The following RALY variants were observed in gnomAD, a reference collection of about 807,000 sequenced individuals.
The protein encoded by RALY is RALY heterogeneous nuclear ribonucleoprotein.
RALY carries 15 observed loss-of-function variants against 30.7 expected under a neutral mutation model. That is an observed-to-expected ratio of 0.49 (90% CI 0.33 to 0.75). The LOEUF (loss-of-function observed/expected upper bound fraction) is 0.75. Among genes scored for constraint, RALY ranks in the 30% least tolerant of loss-of-function variants. RALY has a pLI of 0.02. For synonymous variants in RALY, 177 were observed against 170.8 expected (o/e 1.04, Z -0.28); for missense variants, 339 against 414.3 (o/e 0.82, Z 1.58).
Position 34,072,336 on chromosome 20 carries a change from C to T in RALY, c.256+6C>T. Reference sequence around the variant, plus strand: ...GCTGGCCGGGCAGACCCTGGGTAAGCCTCTCTTCACTATATTCTCCTAGTA... The same window carrying T: ...GCTGGCCGGGCAGACCCTGGGTAAGTCTCTCTTCACTATATTCTCCTAGTA... On this transcript the variant is annotated splice_donor_region_variant and intron_variant, in intron 3 of 9. Transcript: ENST00000246194. The T allele has an allele frequency of 6.2e-7, 1 of 1,609,404 alleles. No homozygotes were observed.
At chr20:34,074,795 T>C (rs910837358) in intron 5 of RALY, among the ~76,000 whole-genome samples, 26 of 152,166 alleles carry the variant, frequency 1.7e-4, no homozygotes, top group African/African-American at 5.8e-4. Flanking sequence ...TTCCCTCCCC[T>C]TGGGGGCAGA....
At chr20:34,052,886 C>T (rs1198924138) in intron 2 of RALY, among the ~76,000 whole-genome samples, 3 of 152,194 alleles carry the variant, frequency 2.0e-5, no homozygotes, top group African/African-American at 4.8e-5. Context: ...TTCTGCTCCT[C>T]TGTCACCGTC....
At chr20:34,071,029 C>T (rs796245327) in intron 2 of RALY, among the ~76,000 whole-genome samples, 11 of 152,168 alleles carry the variant, frequency 7.2e-5, no homozygotes, top group African/African-American at 2.4e-4. Flanking sequence ...GTGCTACACA[C>T]GTCTAAACAC....
chr20:34,070,511 G>A (rs867643247), intron 2 of RALY, among the ~76,000 whole-genome samples: 1 of 152,122 alleles, frequency 6.6e-6, no homozygotes, highest in Non-Finnish European at 1.5e-5. Flanking sequence ...AAATTTGAAC[G>A]AGTTAGTATT....
At chr20:33,997,809 T>C (rs933630105) in intron 1 of RALY, among the ~76,000 whole-genome samples, 1 of 152,190 alleles carries the variant, frequency 6.6e-6, no homozygotes, top group African/African-American at 2.4e-5. Context: ...AATATTGTCC[T>C]GATAACAACT....
intron 8 of RALY, 103 bp from the exon 9 acceptor site, chr20:34,078,402 A>T: frequency 9.9e-7 from 1 of 1,011,886 alleles, no homozygotes; most frequent in Non-Finnish European, 1.4e-6. Context: ...TGTGTCCTCT[A>T]GATGCCCTCT....
At chr20:34,059,452 C>T (rs1568686718) in intron 2 of RALY, among the ~76,000 whole-genome samples, 1 of 152,188 alleles carries the variant, frequency 6.6e-6, no homozygotes, top group Admixed American at 6.5e-5. Flanking sequence ...TCTATGCTTA[C>T]GTGGCACATG....
chr20:34,065,301 G>A (rs2033539071), intron 2 of RALY: 1 of 152,164 alleles, frequency 6.6e-6, no homozygotes, highest in African/African-American at 2.4e-5. Flanking sequence ...AGGTAATCAG[G>A]GAAGAGATTA....
In RALY at chr20:34,033,815, A is replaced by G. The variant is rs144204235; in HGVS notation, c.-10+2211A>G. Among the ~76,000 whole-genome samples, 561 of 152,264 alleles carry G rather than the reference A, an allele frequency of 3.7e-3. 5 individuals are homozygous for G. Among genetic ancestry groups the G allele is most frequent in the African/African-American group, 0.012 (507 of 41,534 alleles). On this transcript the variant is annotated intron_variant, in intron 2 of 9. Transcript: ENST00000246194. Reference sequence around the variant, plus strand: ...GTTTGCCGCCCCATTCCCCAAAAGTAAACGGGAGGGTTTTCCTTTGGAAAT... The same window carrying G: ...GTTTGCCGCCCCATTCCCCAAAAGTGAACGGGAGGGTTTTCCTTTGGAAAT...
At chr20:34,045,195 A>T (rs1181511287) in intron 2 of RALY, among the ~76,000 whole-genome samples, 1 of 152,202 alleles carries the variant, frequency 6.6e-6, no homozygotes, top group African/African-American at 2.4e-5. Context: ...GATTACAGGT[A>T]TGAGCCACTG....
chr20:34,084,231 A>C lies in RALY; in HGVS notation c.*4326A>C, dbSNP rs1257143663. Reference sequence around the variant, plus strand: ...CCGCTACTTGGGGGACTACAGTGGGAGATCATTTGCACCTAGGAGGTTAAT... The same window carrying C: ...CCGCTACTTGGGGGACTACAGTGGGCGATCATTTGCACCTAGGAGGTTAAT... On this transcript the variant is annotated 3_prime_UTR_variant, in exon 10 of 10. Coordinates refer to ENST00000246194, the MANE Select transcript of RALY (RefSeq NM_016732.3). 2.6e-5 allele frequency: 4 copies of C among 152,066 alleles called. No individual in the cohort carries two copies. Among genetic ancestry groups the C allele is most frequent in the Non-Finnish European group, 5.9e-5 (4 of 68,016 alleles). 9.4% of individuals were successfully genotyped at this position (152,066 alleles called of 1,614,324 possible).
rs1196296624 is a variant in RALY at position 34,072,272 on chromosome 20, C to T, written c.198C>T (p.Arg66=). 6 of 1,614,026 alleles carry T rather than the reference C, an allele frequency of 3.7e-6. No individual in the cohort carries two copies. The highest frequency in any genetic ancestry group is 1.3e-5 in the African/African-American group (1 of 74,942). Residue 66 remains arginine, a synonymous_variant, in exon 3 of 10, where the codon CGC becomes CGT. Coordinates refer to ENST00000246194, the MANE Select transcript of RALY (RefSeq NM_016732.3). ...GYAFVQYSNE[R]HARAAVLGEN... ...CCTTTGTTCAGTACTCCAATGAGCGCCATGCCCGGGCAGCTGTGCTGGGAG... is the reference window on the plus strand; with the variant it reads ...CCTTTGTTCAGTACTCCAATGAGCGTCATGCCCGGGCAGCTGTGCTGGGAG...
At chr20:34,074,624 A>G (rs943712059) in intron 5 of RALY, among the ~76,000 whole-genome samples, 2 of 151,828 alleles carry the variant, frequency 1.3e-5, no homozygotes, top group Non-Finnish European at 2.9e-5. Context: ...TGGGGGTCAG[A>G]AGATTTAGAT....
chr20:34,064,657 T>A lies in RALY; in HGVS notation c.-9-7409T>A, dbSNP rs528265391. Among the ~76,000 whole-genome samples the A allele has an allele frequency of 1.6e-4, 24 of 152,268 alleles. No individual in the cohort carries two copies. In the South Asian group the frequency reaches 5.0e-3, roughly 32 times the overall value. ...CCAACTCCCTTACTCTCAGGCAAAGTGTGATGCACAGGGAGATGACATAGT... is the reference window on the plus strand; with the variant it reads ...CCAACTCCCTTACTCTCAGGCAAAGAGTGATGCACAGGGAGATGACATAGT... On this transcript the variant is annotated intron_variant, in intron 2 of 9. Coordinates refer to ENST00000246194, the MANE Select transcript of RALY (RefSeq NM_016732.3).
At chr20:34,020,087 C>CT (rs1467989046) in intron 1 of RALY, among the ~76,000 whole-genome samples, 1 of 152,168 alleles carries the variant, frequency 6.6e-6, no homozygotes, top group East Asian at 1.9e-4. Context: ...TGAGTGCCCA[C>CT]TGTGTACCAG....
intron 8 of RALY, chr20:34,077,728 T>G: frequency 4.5e-6 from 1 of 224,050 alleles, no homozygotes; most frequent in Non-Finnish European, 9.0e-6. Context: ...ACAAGGAGCT[T>G]ATGTTGAGTG....
intron 2 of RALY, among the ~76,000 whole-genome samples, chr20:34,037,292 C>T (rs907429838): frequency 2.6e-5 from 4 of 152,178 alleles, no homozygotes; most frequent in East Asian, 1.9e-4. Flanking sequence ...GCAGGCTGAG[C>T]TTTGAGTAAG....
At chr20:34,051,453 T>C (rs1376238572) in intron 2 of RALY, among the ~76,000 whole-genome samples, 1 of 152,188 alleles carries the variant, frequency 6.6e-6, no homozygotes, top group African/African-American at 2.4e-5. Context: ...CTACTCCTTA[T>C]GGTTGTGTAT....
At chr20:34,072,816 A>G (rs2033765315) in intron 3 of RALY, among the ~76,000 whole-genome samples, 1 of 152,268 alleles carries the variant, frequency 6.6e-6, no homozygotes, top group African/African-American at 2.4e-5. Context: ...ACTCCTGTGT[A>G]TATGTGTATG....
Sources: allele counts gnomAD v4.1 joint callset (sites outside exome capture counted in the v4.1 genomes callset), GRCh38; gene constraint gnomAD v4.1.1; transcripts MANE v1.5; gene names NCBI Gene and HGNC (gene_info 2026-07-23, HGNC 2026-07-21).